The following TNC variants were observed in gnomAD, a reference collection of about 807,000 sequenced individuals.
The protein encoded by TNC is tenascin C.
A neutral mutation model predicts 202.4 loss-of-function variants in TNC; 109 were observed. That is an observed-to-expected ratio of 0.54 (90% confidence interval 0.46 to 0.63). TNC has a LOEUF of 0.63. TNC is among the 30% of genes least tolerant of loss of function. The probability of loss-of-function intolerance (pLI) is 0.00; values close to 1 mark genes in which losing one functional copy is unlikely to be tolerated. For synonymous variants in TNC, 1,007 were observed against 1,089.7 expected (o/e 0.92, Z 1.50); for missense variants, 2,756 against 2,833.3 (o/e 0.97, Z 0.62).
At chr9:115,028,657 T>C (rs936486608) in intron 25 of TNC, among the ~76,000 whole-genome samples, 13 of 152,088 alleles carry the variant, frequency 8.5e-5, no homozygotes, top group African/African-American at 3.1e-4. Context: ...AGCCGAGTCA[T>C]GGGAGAAACT....
At chr9:115,041,179 A>G in intron 18 of TNC, 95 bp from the exon 19 acceptor site, 6 of 1,368,890 alleles carry the variant, frequency 4.4e-6, no homozygotes, top group Non-Finnish European at 5.9e-6. Flanking sequence ...TTAGAAATGA[A>G]ACTATATCTT....
At chr9:115,093,763 A>G (rs1835406249) in intron 1 of TNC, among the ~76,000 whole-genome samples, 1 of 152,168 alleles carries the variant, frequency 6.6e-6, no homozygotes, top group Non-Finnish European at 1.5e-5. Context: ...ACTCCAAGGC[A>G]AAGAGTTTAG....
chr9:115,053,003 T>G, intron 15 of TNC: 1 of 699,360 alleles, frequency 1.4e-6, no homozygotes, highest in South Asian at 1.5e-5. Flanking sequence ...CGTGCCCAAC[T>G]GTGGCTTTGG....
At chr9:115,041,913 A>T (rs181113797) in intron 18 of TNC, among the ~76,000 whole-genome samples, 21 of 152,340 alleles carry the variant, frequency 1.4e-4, no homozygotes, top group Admixed American at 2.6e-4. Flanking sequence ...GCAGGGAGAG[A>T]AATGCCAATA....
chr9:115,105,527 C>G (rs1426708510), intron 1 of TNC, among the ~76,000 whole-genome samples: 1 of 152,138 alleles, frequency 6.6e-6, no homozygotes. Flanking sequence ...AACTGATTCA[C>G]TTGTTTTAAT....
In TNC at chr9:115,026,591, C is replaced by T. The variant is rs747231510; in HGVS notation, c.6274G>A (p.Val2092Met). 3.1e-5 allele frequency: 50 copies of T among 1,613,958 alleles called. No homozygotes were observed. Among genetic ancestry groups the T allele is most frequent in the African/African-American group, 4.0e-5 (3 of 74,910 alleles). The change falls in exon 26 of 28, where the codon GTG becomes ATG. Residue 2092 changes from valine (V) to methionine (M), a missense_variant. Physicochemically the swap from Val to Met is conservative, Grantham distance 21. Around this residue, in one of 2 missense-constraint regions of TNC, gnomAD observed 197 missense variants for 287.3 expected, o/e 0.69. Coordinates refer to ENST00000350763, the MANE Select transcript of TNC (RefSeq NM_002160.4). ...TTGTAGCGAGTCTTGGCATCTCCCA[C>T]GCTGAACTTGTCATAGACAGCAAAG... is the stretch of plus-strand genomic sequence containing the variant. ...TAFAVYDKFSVGDAKTRYKLK... is the reference protein window; with the variant it reads ...TAFAVYDKFSMGDAKTRYKLK...
intron 2 of TNC, among the ~76,000 whole-genome samples, chr9:115,087,762 C>T (rs1226073189): frequency 1.4e-5 from 2 of 144,582 alleles, no homozygotes; most frequent in Non-Finnish European, 3.0e-5. Context: ...AGTGCAGCGG[C>T]GCCATCTTGG....
Position 115,030,546 on chromosome 9 carries a change from G to T in TNC, c.5921-141C>A, listed in dbSNP as rs911820705. 4 of 991,170 alleles carry T rather than the reference G, an allele frequency of 4.0e-6. No individual in the cohort carries two copies. In the African/African-American group the frequency reaches 4.9e-5, roughly 12 times the overall value. The allele number at this position is 991,170 out of a possible 1,614,324, so 61.4% of individuals were successfully genotyped here. Reference sequence around the variant, plus strand: ...TGATGCAAACAATTAAAAACTCATAGAAATGGGCAATCTTGGAACTATGCC... The same window carrying T: ...TGATGCAAACAATTAAAAACTCATATAAATGGGCAATCTTGGAACTATGCC... On this transcript the variant is annotated intron_variant, in intron 23 of 27. Transcript: ENST00000350763.
chr9:115,117,417 G>A (rs966393347), intron 1 of TNC, among the ~76,000 whole-genome samples: 2 of 152,192 alleles, frequency 1.3e-5, no homozygotes, highest in East Asian at 3.8e-4. Context: ...ATCTGGCCCA[G>A]GAGCCACCTC....
intron 1 of TNC, among the ~76,000 whole-genome samples, chr9:115,100,833 G>A (rs1054259706): frequency 5.0e-4 from 76 of 152,014 alleles, no homozygotes; most frequent in East Asian, 1.9e-4. Context: ...AAATTATCAC[G>A]TTGTATACCT....
chr9:115,023,037 C>CAAAA (rs112725157), intron 27 of TNC, among the ~76,000 whole-genome samples: 16 of 122,172 alleles, frequency 1.3e-4, no homozygotes, highest in African/African-American at 4.5e-4. Flanking sequence ...TGCAAATATG[C>CAAAA]AAAAAAAAAA....
intron 1 of TNC, among the ~76,000 whole-genome samples, chr9:115,115,800 C>T (rs941083450): frequency 1.3e-5 from 2 of 152,130 alleles, no homozygotes; most frequent in Non-Finnish European, 2.9e-5. Context: ...GGCAATGTCC[C>T]AGAGGCTAAG....
chr9:115,052,718 G>T, intron 15 of TNC: 1 of 694,714 alleles, frequency 1.4e-6, no homozygotes, highest in African/African-American at 1.7e-5. Flanking sequence ...TGTTAGACAA[G>T]TGAGAACCTC....
At chr9:115,096,005 C>A (rs963981387) in intron 1 of TNC, among the ~76,000 whole-genome samples, 1 of 152,072 alleles carries the variant, frequency 6.6e-6, no homozygotes, top group South Asian at 2.1e-4. Context: ...GCATGTTGTG[C>A]TGCTTTTTGC....
chr9:115,049,290 A>C (rs1831459793), intron 15 of TNC, among the ~76,000 whole-genome samples: 1 of 152,142 alleles, frequency 6.6e-6, no homozygotes, highest in South Asian at 2.1e-4. Context: ...CTTTTCACAC[A>C]TTGGGATATC....
chr9:115,059,651 G>A (rs2132510653), intron 14 of TNC, 79 bp downstream of exon 14: 14 of 1,422,876 alleles, frequency 9.8e-6, no homozygotes, highest in East Asian at 9.2e-5. Flanking sequence ...GTTATGGCGA[G>A]ATGCTGACTC....
At position 115,042,308 on chromosome 9, in the gene TNC, T is replaced by C. The variant is rs942764182; in HGVS notation, c.5159A>G (p.Asp1720Gly). ...GACAGTAGCCGAATTTTCAGTGATG[T>C]CTGAGAAAATGACTTCCTTTGGGGA... ...MGSPKEVIFSDITENSATVSW... is the reference protein window; with the variant it reads ...MGSPKEVIFSGITENSATVSW... The change falls in exon 18 of 28, where the codon GAC (aspartate) becomes GGC (glycine). Residue 1720 changes from aspartate (D) to glycine (G), a missense_variant. Asp to Gly is a moderately conservative substitution (Grantham distance 94, BLOSUM62 -1). This residue lies in a region of TNC where 2,559 missense variants were observed against 2,546.0 expected (regional missense o/e 1.01). Coordinates refer to ENST00000350763, the MANE Select transcript of TNC (RefSeq NM_002160.4). 6.2e-7 allele frequency: 1 copy of C among 1,614,112 alleles called. No individual in the cohort carries two copies. The highest frequency in any genetic ancestry group is 1.7e-5 in the Admixed American group (1 of 60,022).
chr9:115,033,695 A>T (rs1028458456), intron 22 of TNC, among the ~76,000 whole-genome samples: 1 of 152,232 alleles, frequency 6.6e-6, no homozygotes, highest in East Asian at 1.9e-4. Flanking sequence ...GACAGATTGG[A>T]TACAGCCACT....
intron 1 of TNC, among the ~76,000 whole-genome samples, chr9:115,096,987 G>C: frequency 6.6e-6 from 1 of 152,138 alleles, no homozygotes; most frequent in South Asian, 2.1e-4. Context: ...TTAGAAGCTG[G>C]AGGAGCTTGT....
Sources: gnomAD v4.1 joint callset for allele counts (sites outside exome capture counted in the v4.1 genomes callset) on GRCh38, gnomAD v4.1.1 for gene constraint, gnomAD v4.1.1 regional missense constraint, MANE v1.5 for transcripts, NCBI Gene and HGNC (gene_info 2026-07-23, HGNC 2026-07-21) for gene names.